The following ZNF100 variants were observed in gnomAD, a reference collection of about 807,000 sequenced individuals.
ZNF100 encodes the protein zinc finger protein 100.
In ZNF100, 12 loss-of-function variants were observed where a neutral mutation model predicts 15.8. The observed-to-expected ratio is 0.76, with a 90% CI of 0.49 to 1.23. The LOEUF (loss-of-function observed/expected upper bound fraction) is 1.23. ZNF100 is among the 50% of genes most tolerant of loss of function. The probability of loss-of-function intolerance (pLI) is 0.00; values close to 1 mark genes in which losing one functional copy is unlikely to be tolerated. For synonymous variants in ZNF100, 226 were observed against 214.8 expected, an observed-to-expected ratio of 1.05 and a Z score of -0.45; for missense variants, 670 against 635.6, an observed-to-expected ratio of 1.05 and a Z score of -0.58.
chr19:21,742,908 A>G (rs2036142791), intron 4 of ZNF100, among the ~76,000 whole-genome samples: 1 of 152,182 alleles, frequency 6.6e-6, no homozygotes, highest in African/African-American at 2.4e-5. Context: ...AATTTAACCA[A>G]GAAGGTAAAA....
intron 4 of ZNF100, among the ~76,000 whole-genome samples, chr19:21,729,125 T>C (rs1047955937): frequency 6.6e-6 from 1 of 152,036 alleles, no homozygotes; most frequent in Non-Finnish European, 1.5e-5. Context: ...AAGTGATGCG[T>C]CATTTGCCAG....
At position 21,727,110 on chromosome 19, in the gene ZNF100, T is replaced by G; in HGVS notation, c.1202A>C (p.Tyr401Ser). ...HKTSHTGEKF[Y>S]KCEECGKGFN... ...GCCTTTGCCGCATTCTTCACATTTG[T>G]AGAATTTCTCTCCAGTATGACTTGT... is the stretch of plus-strand genomic sequence containing the variant. Residue 401 changes from tyrosine (Y) to serine (S), a missense_variant, in exon 5 of 5, where the codon TAC (tyrosine) becomes TCC (serine). Physicochemically the swap from Tyr to Ser is moderately radical, Grantham distance 144 (BLOSUM62 -2). Transcript: ENST00000358296. The G allele has an allele frequency of 6.2e-7, 1 of 1,612,180 alleles. No individual in the cohort carries two copies. The highest frequency in any genetic ancestry group is 1.3e-5 in the African/African-American group (1 of 74,906).
At position 21,723,566 on chromosome 19, in the gene ZNF100, ACTT is replaced by A. The variant is rs1166714642; in HGVS notation, c.*3114_*3116del. On this transcript the variant is annotated 3_prime_UTR_variant, in exon 5 of 5. Coordinates refer to ENST00000358296, the MANE Select transcript of ZNF100 (RefSeq NM_173531.4). ...ATAATTAAGAAATAAAAGATGCAGAACTTCTCTTTAAATTCAGCAAGATTCAGC... is the reference window on the plus strand; with the variant it reads ...ATAATTAAGAAATAAAAGATGCAGAACTCTTTAAATTCAGCAAGATTCAGC... 6.6e-6 allele frequency: 1 copy of A among 152,182 alleles called. No homozygotes were observed. Among genetic ancestry groups the A allele is most frequent in the African/African-American group, 2.4e-5 (1 of 41,442 alleles). 9.4% of individuals were successfully genotyped at this position (152,182 alleles called of 1,614,324 possible).
At chr19:21,760,922 AT>A (rs567761023) in intron 2 of ZNF100, among the ~76,000 whole-genome samples, 1 of 150,416 alleles carries the variant, frequency 6.6e-6, no homozygotes, top group Admixed American at 6.7e-5. Flanking sequence ...ATGTCCCACT[AT>A]TTTTTTTTGT....
rs546397886 is a variant in ZNF100 at position 21,761,466 on chromosome 19, A to T, written c.96+4228T>A. On this transcript the variant is annotated intron_variant, in intron 2 of 4. Transcript: ENST00000358296. ...TAAACTTGACTTGTAGAACCAATAA[A>T]GCTCCATGGGAAAACTGGTATTATA... 2.0e-5 allele frequency among the ~76,000 whole-genome samples: 3 copies of T among 152,316 alleles called. No homozygotes were observed. In the South Asian group the frequency reaches 6.2e-4, roughly 32 times the overall value.
intron 2 of ZNF100, among the ~76,000 whole-genome samples, chr19:21,757,902 T>C (rs2036415624): frequency 6.6e-6 from 1 of 151,988 alleles, no homozygotes; most frequent in African/African-American, 2.4e-5. Flanking sequence ...GCAGACATGG[T>C]AGTGTGTGCC....
chr19:21,738,041 A>G (rs942538208), intron 4 of ZNF100, among the ~76,000 whole-genome samples: 1 of 152,004 alleles, frequency 6.6e-6, no homozygotes, highest in African/African-American at 2.4e-5. Flanking sequence ...AGCTGAGGTT[A>G]GGAGTTCAAG....
At chr19:21,754,174 T>A (rs2036355534) in intron 2 of ZNF100, among the ~76,000 whole-genome samples, 1 of 152,092 alleles carries the variant, frequency 6.6e-6, no homozygotes, top group Non-Finnish European at 1.5e-5. Flanking sequence ...ATTTCCATCA[T>A]TTTTAAAGGG....
At position 21,726,330 on chromosome 19, in the gene ZNF100, TAGTTA is replaced by T. The variant is rs1015786424; in HGVS notation, c.*348_*352del. On this transcript the variant is annotated 3_prime_UTR_variant, in exon 5 of 5. Coordinates refer to ENST00000358296, the MANE Select transcript of ZNF100 (RefSeq NM_173531.4). ...TGCTTTCCTGTGAAGGTGTGAGCAT[TAGTTA>T]AAAGTTTTGTCACACTGTTCACACA... 2.8e-5 allele frequency: 6 copies of T among 212,938 alleles called. No individual in the cohort carries two copies. Among genetic ancestry groups the T allele is most frequent in the Admixed American group, 5.1e-5 (1 of 19,494 alleles). The allele number at this position is 212,938 out of a possible 1,614,324, so 13.2% of individuals were successfully genotyped here.
At chr19:21,749,679 A>T (rs1357383766) in intron 2 of ZNF100, among the ~76,000 whole-genome samples, 1 of 152,184 alleles carries the variant, frequency 6.6e-6, no homozygotes. Flanking sequence ...ATGCTCGTTT[A>T]CACTTACAGA....
At chr19:21,754,891 C>T (rs972733224) in intron 2 of ZNF100, among the ~76,000 whole-genome samples, 1 of 152,060 alleles carries the variant, frequency 6.6e-6, no homozygotes, top group Admixed American at 6.6e-5. Context: ...TGCAACCTAC[C>T]CATCTGACAA....
chr19:21,744,905 G>T lies in ZNF100; in HGVS notation c.223+36C>A, dbSNP rs140859122. On this transcript the variant is annotated intron_variant, in intron 3 of 4. Coordinates refer to ENST00000358296, the MANE Select transcript of ZNF100 (RefSeq NM_173531.4). The stretch of plus-strand genomic sequence containing the variant: ...TCCACAAAAAAAGAGAAACCTTTAC[G>T]GTATATTAGAAATTGTGTATTAAAG... The T allele has an allele frequency of 6.1e-4, 976 of 1,588,410 alleles. 7 individuals are homozygous for T. The African/African-American group carries it at 0.012, about 20-fold the overall frequency.
chr19:21,751,430 ACT>A (rs2145729991), intron 2 of ZNF100: 1 of 838,500 alleles, frequency 1.2e-6, no homozygotes, highest in African/African-American at 1.7e-5. Context: ...ATTTGTTCAT[ACT>A]CTTTTTAGTG....
chr19:21,729,477 G>C (rs1599376720), intron 4 of ZNF100, among the ~76,000 whole-genome samples: 2 of 151,830 alleles, frequency 1.3e-5, no homozygotes, highest in South Asian at 4.1e-4. Context: ...TAAACGACGA[G>C]TTAATGGGTG....
intron 2 of ZNF100, chr19:21,752,182 C>G (rs540707819): frequency 6.4e-6 from 1 of 156,584 alleles, no homozygotes; most frequent in East Asian, 1.9e-4. Flanking sequence ...ATCCCACACA[C>G]AGATATTTGC....
intron 4 of ZNF100, among the ~76,000 whole-genome samples, chr19:21,731,765 CAG>C (rs1438679584): frequency 6.6e-6 from 1 of 152,046 alleles, no homozygotes; most frequent in East Asian, 1.9e-4. Flanking sequence ...CACAATGAGA[CAG>C]AGATTGTATG....
chr19:21,737,330 A>T (rs925534299), intron 4 of ZNF100, among the ~76,000 whole-genome samples: 2 of 152,002 alleles, frequency 1.3e-5, no homozygotes, highest in Non-Finnish European at 2.9e-5. Flanking sequence ...CTTCTAGAGC[A>T]GCCTGGCCAA....
At chr19:21,765,623 G>A (rs2036545143) in intron 2 of ZNF100, 71 bp downstream of exon 2, 3 of 1,424,226 alleles carry the variant, frequency 2.1e-6, no homozygotes, top group Non-Finnish European at 3.0e-6. Context: ...CTGATTGGCT[G>A]ACCAGCAACG....
chr19:21,731,284 T>G (rs2035913175), intron 4 of ZNF100, among the ~76,000 whole-genome samples: 1 of 152,022 alleles, frequency 6.6e-6, no homozygotes, highest in Non-Finnish European at 1.5e-5. Context: ...CAATGCAAGT[T>G]TCTTTCCTTT....
Sources: gnomAD v4.1 joint callset for allele counts (sites outside exome capture counted in the v4.1 genomes callset) on GRCh38, gnomAD v4.1.1 for gene constraint, MANE v1.5 for transcripts, NCBI Gene and HGNC (gene_info 2026-07-23, HGNC 2026-07-21) for gene names.